The following ABI1 variants were observed in gnomAD, a reference collection of about 807,000 sequenced individuals.
ABI1 encodes Abelson interactor 1.
Under a neutral mutation model 54.6 loss-of-function variants are expected in ABI1, and 14 were observed. The observed-to-expected ratio is 0.26, with a 90% CI of 0.17 to 0.40. ABI1 has a LOEUF of 0.40. Among genes scored for constraint, ABI1 ranks in the 10% least tolerant of loss-of-function variants. ABI1 has a pLI of 1.00. For missense variants in ABI1, 443 were observed against 598.3 expected (o/e 0.74, Z 2.71); for synonymous variants, 194 against 209.3 (o/e 0.93, Z 0.63).
chr10:26,762,340 A>G (rs1411893443), intron 7 of ABI1, among the ~76,000 whole-genome samples: 1 of 152,170 alleles, frequency 6.6e-6, no homozygotes, highest in Non-Finnish European at 1.5e-5. Flanking sequence ...CTGCTGTATT[A>G]TAACAGCAGA....
At chr10:26,816,657 T>G (rs1211897356) in intron 2 of ABI1, among the ~76,000 whole-genome samples, 2 of 152,228 alleles carry the variant, frequency 1.3e-5, no homozygotes, top group Admixed American at 1.3e-4. Flanking sequence ...TAATTCTCAA[T>G]ACCTCGAATG....
At chr10:26,762,519 A>C (rs756783021) in intron 7 of ABI1, among the ~76,000 whole-genome samples, 123 of 152,342 alleles carry the variant, frequency 8.1e-4, no homozygotes, top group Admixed American at 2.0e-3. Context: ...ACTCTTAGAC[A>C]ACCCCAAAAG....
At chr10:26,806,550 C>T (rs1385976131) in intron 2 of ABI1, among the ~76,000 whole-genome samples, 6 of 152,250 alleles carry the variant, frequency 3.9e-5, no homozygotes, top group African/African-American at 1.2e-4. Context: ...AAGCCATGGC[C>T]TGAAACCCTT....
chr10:26,751,919 C>A, intron 9 of ABI1, 136 bp from the exon 10 acceptor site: 2 of 816,348 alleles, frequency 2.4e-6, no homozygotes, highest in Non-Finnish European at 3.6e-6. Context: ...GAAATAAAAG[C>A]TTGGTGTGTT....
intron 1 of ABI1, among the ~76,000 whole-genome samples, chr10:26,841,399 C>CTTT (rs34398117): frequency 1.4e-5 from 2 of 140,298 alleles, no homozygotes; most frequent in Non-Finnish European, 3.1e-5. Context: ...ACATAGTTAC[C>CTTT]TTTTTTTTTT....
rs142837691 is a variant in ABI1, at chr10:26,856,896, G to A, written c.117+3851C>T. ...AAAGGCAGTATGAACTAACTCTAAG[G>A]TAGAGCACAGAGAACTGGCTAAACA... On this transcript the variant is annotated intron_variant, in intron 1 of 10. Transcript: ENST00000376140. 1.7e-4 allele frequency among the ~76,000 whole-genome samples: 26 copies of A among 152,248 alleles called. No individual in the cohort carries two copies. The East Asian group carries it at 4.6e-3, about 27-fold the overall frequency.
At chr10:26,788,200 G>A (rs771043262) in intron 2 of ABI1, among the ~76,000 whole-genome samples, 26 of 152,244 alleles carry the variant, frequency 1.7e-4, no homozygotes, top group Non-Finnish European at 2.9e-4. Context: ...TCTTGCTGCC[G>A]TCGTGTAAGA....
intron 1 of ABI1, among the ~76,000 whole-genome samples, chr10:26,836,293 A>T (rs566135532): frequency 4.2e-4 from 64 of 150,924 alleles, no homozygotes; most frequent in Middle Eastern, 3.4e-3. Context: ...TTGTATTTTT[A>T]GTAGAGACAG....
In ABI1 at chr10:26,747,170, C is replaced by T. The variant is rs1837038033; in HGVS notation, c.*1400G>A. On this transcript the variant is annotated 3_prime_UTR_variant, in exon 11 of 11. Coordinates refer to ENST00000376140, the MANE Select transcript of ABI1 (RefSeq NM_001012750.3). Reference sequence around the variant, plus strand: ...TGTTATAAGTCTGTAGCATCCAGTACATAACTGTAATTTGAATTCCAAACA... The same window carrying T: ...TGTTATAAGTCTGTAGCATCCAGTATATAACTGTAATTTGAATTCCAAACA... 4.5e-6 allele frequency: 1 copy of T among 224,202 alleles called. No homozygotes were observed. Among genetic ancestry groups the T allele is most frequent in the East Asian group, 6.5e-5 (1 of 15,388 alleles). 13.9% of individuals were successfully genotyped at this position (224,202 alleles called of 1,614,324 possible). A position where few individuals can be genotyped will look rare whatever the true frequency, so the allele number is the denominator to read the frequency against.
intron 1 of ABI1, among the ~76,000 whole-genome samples, chr10:26,831,710 T>A (rs2133920425): frequency 7.3e-6 from 1 of 136,838 alleles, no homozygotes; most frequent in South Asian, 2.4e-4. Context: ...ATAGAAATTA[T>A]TTTTTAAATC....
chr10:26,794,021 T>TCACTTGA (rs1843792995), intron 2 of ABI1, among the ~76,000 whole-genome samples: 1 of 152,126 alleles, frequency 6.6e-6, no homozygotes, highest in Non-Finnish European at 1.5e-5. Flanking sequence ...GGTGGGTGGA[T>TCACTTGA]CACTTGAGGT....
intron 2 of ABI1, among the ~76,000 whole-genome samples, chr10:26,819,584 G>A (rs1412322840): frequency 6.6e-6 from 1 of 152,168 alleles, no homozygotes; most frequent in African/African-American, 2.4e-5. Flanking sequence ...GACTTAATGA[G>A]ATTTATAGAC....
At position 26,755,801 on chromosome 10, in the gene ABI1, A is replaced by T; in HGVS notation, c.998-60T>A. On this transcript the variant is annotated intron_variant, in intron 8 of 10. Coordinates refer to ENST00000376140, the MANE Select transcript of ABI1 (RefSeq NM_001012750.3). ...CAGATAAAGGAAAGAAAAGGAAACAAACAAAAAGCAGAAGTCAGTTACAAG... is the reference window on the plus strand; with the variant it reads ...CAGATAAAGGAAAGAAAAGGAAACATACAAAAAGCAGAAGTCAGTTACAAG... 5.6e-6 allele frequency: 7 copies of T among 1,249,370 alleles called. No homozygotes were observed. The South Asian group carries it at 9.4e-5, about 17-fold the overall frequency. The allele number at this position is 1,249,370 out of a possible 1,614,324, so 77.4% of individuals were successfully genotyped here. A position where few individuals can be genotyped will look rare whatever the true frequency, so the allele number is the denominator to read the frequency against.
At chr10:26,811,788 AAG>A (rs2047253278) in intron 2 of ABI1, among the ~76,000 whole-genome samples, 1 of 129,602 alleles carries the variant, frequency 7.7e-6, no homozygotes, top group African/African-American at 2.7e-5. Flanking sequence ...AATTTATGCA[AAG>A]ATTTGTATAA....
intron 2 of ABI1, among the ~76,000 whole-genome samples, chr10:26,791,037 C>T (rs550087510): frequency 7.9e-6 from 1 of 126,366 alleles, no homozygotes; most frequent in South Asian, 2.7e-4. Flanking sequence ...CACCACTGCA[C>T]TACAGCCCAG....
At chr10:26,855,464 A>G (rs1380031179) in intron 1 of ABI1, among the ~76,000 whole-genome samples, 2 of 152,228 alleles carry the variant, frequency 1.3e-5, no homozygotes, top group Non-Finnish European at 2.9e-5. Context: ...CTCTATGACT[A>G]AACAAAACTT....
At chr10:26,799,680 T>C (rs550836906) in intron 2 of ABI1, among the ~76,000 whole-genome samples, 27 of 152,332 alleles carry the variant, frequency 1.8e-4, no homozygotes, top group African/African-American at 6.5e-4. Context: ...ATTTTAGAAA[T>C]AAGTTCTGCC....
At chr10:26,831,739 A>C (rs2048691294) in intron 1 of ABI1, among the ~76,000 whole-genome samples, 1 of 152,180 alleles carries the variant, frequency 6.6e-6, no homozygotes, top group Admixed American at 6.5e-5. Context: ...TTGTAAAAAA[A>C]ATCCTACAAC....
At chr10:26,820,374 A>G (rs2047891077) in intron 2 of ABI1, among the ~76,000 whole-genome samples, 1 of 152,170 alleles carries the variant, frequency 6.6e-6, no homozygotes, top group African/African-American at 2.4e-5. Flanking sequence ...AAAAAAATCA[A>G]ATGAGGTGTA....
Sources: gnomAD v4.1 joint callset for allele counts (sites outside exome capture counted in the v4.1 genomes callset) on GRCh38, gnomAD v4.1.1 for gene constraint, MANE v1.5 for transcripts, NCBI Gene and HGNC (gene_info 2026-07-23, HGNC 2026-07-21) for gene names.